Variants in POLD1 observed in about 807,000 individuals in gnomAD.
The protein encoded by POLD1 is DNA polymerase delta catalytic subunit.
Under a neutral mutation model 129.7 loss-of-function variants are expected in POLD1, and 79 were observed. That is an observed-to-expected ratio of 0.61 (90% CI 0.51 to 0.73). The LOEUF is 0.73. Among genes scored for constraint, POLD1 ranks in the 30% least tolerant of loss-of-function variants. The pLI, the probability that POLD1 is intolerant of heterozygous loss-of-function variation, is 0.00. For synonymous variants in POLD1, 714 were observed against 683.3 expected, an observed-to-expected ratio of 1.04 and a Z score of -0.70; for missense variants, 1,338 against 1,595.8, an observed-to-expected ratio of 0.84 and a Z score of 2.75.
intron 1 of POLD1, among the ~76,000 whole-genome samples, chr19:50,392,651 TA>T (rs1012937322): frequency 3.1e-4 from 41 of 133,038 alleles, no homozygotes; most frequent in Admixed American, 1.2e-3. Context: ...CTAATTTTTG[TA>T]TTTTAGTAGA....
chr19:50,391,258 C>T (rs546081681), intron 1 of POLD1, among the ~76,000 whole-genome samples: 105 of 150,588 alleles, frequency 7.0e-4, no homozygotes, highest in African/African-American at 9.2e-4. Context: ...CCAGACTGGG[C>T]GGCCAGGCAG....
Position 50,409,796 on chromosome 19 carries a change from A to G in POLD1, c.2154+130A>G. ...AACTCACTGGCCTTCTAGAGAGAGG[A>G]TGCCAATGTGGCTTGAGCAATTGGT... is the stretch of plus-strand genomic sequence containing the variant. On this transcript the variant is annotated intron_variant, in intron 17 of 26. Coordinates refer to ENST00000440232, the MANE Select transcript of POLD1 (RefSeq NM_002691.4). This position sits in a 1 kb window ranked among gnomAD's most constrained non-coding sequence, Gnocchi z 5.8. 1 of 1,010,116 alleles carries G rather than the reference A, an allele frequency of 9.9e-7. No homozygotes were observed. The highest frequency in any genetic ancestry group is 1.5e-6 in the Non-Finnish European group (1 of 687,664). 62.6% of individuals were successfully genotyped at this position (1,010,116 alleles called of 1,614,324 possible). A position where few individuals can be genotyped will look rare whatever the true frequency, so the allele number is the denominator to read the frequency against.
At chr19:50,386,209 G>A (rs549573556) in intron 1 of POLD1, among the ~76,000 whole-genome samples, 5 of 151,804 alleles carry the variant, frequency 3.3e-5, no homozygotes, top group African/African-American at 9.7e-5. Flanking sequence ...GCGCGATCTC[G>A]GCTCACTAAC....
At chr19:50,385,911 C>T (rs1258136069) in intron 1 of POLD1, among the ~76,000 whole-genome samples, 2 of 152,036 alleles carry the variant, frequency 1.3e-5, no homozygotes, top group African/African-American at 2.4e-5. Flanking sequence ...AAATGCTCTT[C>T]CCTCTCTTAT....
rs2122240536 is a variant in POLD1, at chr19:50,402,111, G to A, written c.576G>A (p.Leu192=). The A allele has an allele frequency of 6.2e-7, 1 of 1,612,574 alleles. No homozygotes were observed. Among genetic ancestry groups the A allele is most frequent in the Non-Finnish European group, 8.5e-7 (1 of 1,179,160 alleles). The part of the protein sequence containing the change: ...LTGPAVLAVE[L]CSRESMFGYH... ...GGCCGGCCGTGCTGGCTGTGGAACT[G>A]TGCTCCCGAGAGAGTGAGTGCTCCC... Residue 192 remains leucine, a synonymous_variant, in exon 5 of 27, where the codon CTG becomes CTA. Transcript: ENST00000440232.
intron 8 of POLD1, 99 bp downstream of exon 8, chr19:50,402,840 C>T (rs2038713048): frequency 4.1e-6 from 6 of 1,479,992 alleles, no homozygotes; most frequent in Non-Finnish European, 5.4e-6. Flanking sequence ...CATGAAGGTG[C>T]CGGGGCAGGA....
At chr19:50,416,275 C>G (rs1453676220) in intron 22 of POLD1, 121 bp from the exon 23 acceptor site, 1 of 1,026,870 alleles carries the variant, frequency 9.7e-7, no homozygotes, top group Non-Finnish European at 1.4e-6. Flanking sequence ...AGACCCAGGC[C>G]CCCCCCATGT....
intron 1 of POLD1, among the ~76,000 whole-genome samples, chr19:50,396,760 C>T (rs1601183412): frequency 6.6e-6 from 1 of 152,104 alleles, no homozygotes; most frequent in African/African-American, 2.4e-5. Context: ...AGGTGTGAGC[C>T]ACTGCTCCCA....
chr19:50,400,719 C>T (rs1165913256), intron 3 of POLD1, among the ~76,000 whole-genome samples: 7 of 145,034 alleles, frequency 4.8e-5, no homozygotes, highest in East Asian at 4.1e-4. Context: ...TTTTTTGAGA[C>T]GGAGTCTTGC....
At chr19:50,404,287 A>T (rs552026738) in intron 10 of POLD1, among the ~76,000 whole-genome samples, 415 of 150,486 alleles carry the variant, frequency 2.8e-3, no homozygotes, top group African/African-American at 9.7e-3. Context: ...TTCCAAGACA[A>T]AGTCTCGCTC....
intron 14 of POLD1, 66 bp from the exon 15 acceptor site, chr19:50,408,719 A>G (rs750355960): frequency 6.3e-6 from 10 of 1,591,424 alleles, no homozygotes; most frequent in African/African-American, 4.0e-5. Flanking sequence ...TGAGGCCACA[A>G]GACAGGGCGG....
chr19:50,415,903 G>A (rs1270861882), intron 22 of POLD1, 77 bp downstream of exon 22: 7 of 1,109,820 alleles, frequency 6.3e-6, no homozygotes, highest in African/African-American at 4.7e-5. Context: ...GCGGGCCTGC[G>A]GGAAGGGTGG....
At chr19:50,387,343 ATGAG>A (rs557424469) in intron 1 of POLD1, among the ~76,000 whole-genome samples, 10 of 152,184 alleles carry the variant, frequency 6.6e-5, no homozygotes, top group South Asian at 2.1e-4. Context: ...CATTGAGGAA[ATGAG>A]TGTCTCACTC....
rs2039215402 is a variant in POLD1 at position 50,414,858 on chromosome 19, G to A, written c.2432G>A (p.Gly811Asp). 6.2e-7 allele frequency: 1 copy of A among 1,603,164 alleles called. No homozygotes were observed. Among genetic ancestry groups the A allele is most frequent in the Non-Finnish European group, 8.5e-7 (1 of 1,173,132 alleles). Reference protein sequence around the residue: ...YLLISKKRYAGLLFSSRPDAH... With the variant: ...YLLISKKRYADLLFSSRPDAH... ...CTTATCAGCAAGAAGCGCTACGCGG[G>A]CCTGCTCTTCTCCTCCCGGCCCGAC... is the stretch of plus-strand genomic sequence containing the variant. Residue 811 changes from glycine (G) to aspartate (D), a missense_variant, in exon 20 of 27, where the codon GGC (glycine) becomes GAC (aspartate). Gly to Asp is a moderately conservative substitution (Grantham distance 94). Transcript: ENST00000440232.
At chr19:50,401,240 GAT>G (rs566823603) in intron 3 of POLD1, among the ~76,000 whole-genome samples, 1 of 146,156 alleles carries the variant, frequency 6.8e-6, no homozygotes, top group South Asian at 2.1e-4. Context: ...ATAAATATAA[GAT>G]ATATATATAT....
At chr19:50,392,834 A>G (rs1227094622) in intron 1 of POLD1, among the ~76,000 whole-genome samples, 4 of 152,234 alleles carry the variant, frequency 2.6e-5, no homozygotes, top group Non-Finnish European at 5.9e-5. Context: ...TTGTTTTTCA[A>G]CACAAAAGAT....
At chr19:50,401,391 ATTTTTTTTTTT>A (rs1203165864) in intron 3 of POLD1, among the ~76,000 whole-genome samples, 78 of 65,954 alleles carry the variant, frequency 1.2e-3, no homozygotes, top group African/African-American at 5.0e-3. Context: ...ATATATATAT[ATTTTTTTTTTT>A]TTTTTTTTTT....
chr19:50,409,535 G>A lies in POLD1; in HGVS notation c.2023G>A (p.Ala675Thr), dbSNP rs753870000. ...CCCTCGCAGGGCCAAGGCCGAGCTGGCCAAGGAGACAGACCCCCTCCGGCG... is the reference window on the plus strand; with the variant it reads ...CCCTCGCAGGGCCAAGGCCGAGCTGACCAAGGAGACAGACCCCCTCCGGCG... ...SARKRAKAEL[A>T]KETDPLRRQV... The change falls in exon 17 of 27, where the codon GCC becomes ACC. Residue 675 changes from alanine to threonine, a missense_variant. Ala to Thr is a moderately conservative substitution (Grantham distance 58). Transcript: ENST00000440232. The surrounding 1 kb of genome is among the most constrained non-coding windows in gnomAD (Gnocchi z 5.8). 6.2e-7 allele frequency: 1 copy of A among 1,613,570 alleles called. No homozygotes were observed. The highest frequency in any genetic ancestry group is 8.5e-7 in the Non-Finnish European group (1 of 1,180,042).
At chr19:50,407,511 C>T in intron 14 of POLD1, 96 bp downstream of exon 14, 1 of 629,780 alleles carries the variant, frequency 1.6e-6, no homozygotes, top group Non-Finnish European at 2.5e-6. Flanking sequence ...CCAGCCAGGG[C>T]AACATAGCGA....
Sources: gnomAD v4.1 joint callset for allele counts (sites outside exome capture counted in the v4.1 genomes callset) on GRCh38, gnomAD v4.1.1 for gene constraint, Gnocchi (gnomAD v3.1) non-coding constraint, MANE v1.5 for transcripts, NCBI Gene and HGNC (gene_info 2026-07-23, HGNC 2026-07-21) for gene names.